SLC2A14: variants seen among roughly 807,000 people sequenced by gnomAD.
The protein encoded by SLC2A14 is solute carrier family 2 member 14.
In SLC2A14, 13 loss-of-function variants were observed where a neutral mutation model predicts 43.0. The ratio of observed to expected loss-of-function variants is 0.30; its 90% CI spans 0.20 to 0.48. SLC2A14 has a LOEUF of 0.48. SLC2A14 is among the 20% of genes least tolerant of loss of function. The pLI is 0.99. For missense variants in SLC2A14, 428 were observed against 620.4 expected (o/e 0.69, Z 3.29); for synonymous variants, 190 against 233.8 (o/e 0.81, Z 1.71).
chr12:7,883,932 T>C (rs111569503), intron 1 of SLC2A14, among the ~76,000 whole-genome samples: 24 of 88,308 alleles, frequency 2.7e-4, no homozygotes, highest in South Asian at 1.3e-3. Flanking sequence ...TTCTTTCTTT[T>C]TTTTTGTTTG....
At chr12:7,845,405 T>A (rs1866379288) in intron 2 of SLC2A14, among the ~76,000 whole-genome samples, 1 of 152,150 alleles carries the variant, frequency 6.6e-6, no homozygotes, top group South Asian at 2.1e-4. Flanking sequence ...TTGCTTGACT[T>A]CGGAAATCAT....
chr12:7,880,563 C>T (rs1462793106), intron 1 of SLC2A14, among the ~76,000 whole-genome samples: 5 of 151,584 alleles, frequency 3.3e-5, no homozygotes, highest in African/African-American at 9.7e-5. Flanking sequence ...GTGTGGTGGC[C>T]CATGCCTGTA....
intron 1 of SLC2A14, chr12:7,870,902 C>A: frequency 7.2e-7 from 1 of 1,387,152 alleles, no homozygotes; most frequent in Admixed American, 2.0e-5. Context: ...GACCACAGCA[C>A]AAGGGGCCAC....
At chr12:7,829,497 T>C (rs1864810407) in intron 5 of SLC2A14, among the ~76,000 whole-genome samples, 1 of 150,450 alleles carries the variant, frequency 6.6e-6, no homozygotes, top group African/African-American at 2.5e-5. Flanking sequence ...GAGGCAGAGG[T>C]TGGGCCGAGA....
At chr12:7,881,531 C>G (rs1218226245) in intron 1 of SLC2A14, among the ~76,000 whole-genome samples, 1 of 152,156 alleles carries the variant, frequency 6.6e-6, no homozygotes, top group Non-Finnish European at 1.5e-5. Context: ...GGGCAGGGCT[C>G]AGGACCTGCA....
At chr12:7,817,629 C>T (rs757062902) in intron 10 of SLC2A14, among the ~76,000 whole-genome samples, 9 of 152,020 alleles carry the variant, frequency 5.9e-5, no homozygotes, top group East Asian at 1.9e-4. Flanking sequence ...TAGCTGGGCA[C>T]GGTGGCGGGT....
At chr12:7,850,212 G>A (rs1866813141) in intron 2 of SLC2A14, among the ~76,000 whole-genome samples, 1 of 151,974 alleles carries the variant, frequency 6.6e-6, no homozygotes, top group African/African-American at 2.4e-5. Context: ...GTCTGGTGGT[G>A]GGCAGTTTGT....
chr12:7,842,654 A>C (rs1866067267), intron 2 of SLC2A14, among the ~76,000 whole-genome samples: 2 of 144,194 alleles, frequency 1.4e-5, no homozygotes, highest in Admixed American at 6.9e-5. Context: ...CCCTCCCCCC[A>C]CTCACAGGAA....
chr12:7,835,918 A>C (rs1865412336), intron 2 of SLC2A14, among the ~76,000 whole-genome samples: 1 of 152,232 alleles, frequency 6.6e-6, no homozygotes, highest in South Asian at 2.1e-4. Flanking sequence ...CAGGATTAAG[A>C]AAGAAAACAT....
At chr12:7,859,553 T>C (rs1462528305) in intron 2 of SLC2A14, among the ~76,000 whole-genome samples, 1 of 152,068 alleles carries the variant, frequency 6.6e-6, no homozygotes, top group African/African-American at 2.4e-5. Flanking sequence ...GAAAACAAGA[T>C]GATTGGAAAT....
At position 7,826,861 on chromosome 12, in the gene SLC2A14, T is replaced by TTCCTTCCTTCCTTCC. The variant is rs1555121671; in HGVS notation, c.864+633_864+634insGGAAGGAAGGAAGGA. 1.5e-3 allele frequency among the ~76,000 whole-genome samples: 89 copies of TTCCTTCCTTCCTTCC among 60,322 alleles called. 9 individuals carry two copies. Among genetic ancestry groups the TTCCTTCCTTCCTTCC allele is most frequent in the African/African-American group, 5.8e-3 (73 of 12,640 alleles). 39.6% of individuals were successfully genotyped at this position (60,322 alleles called of 152,430 possible). On this transcript the variant is annotated intron_variant, in intron 7 of 10. Coordinates refer to ENST00000431042, the MANE Select transcript of SLC2A14 (RefSeq NM_001286234.2). The stretch of plus-strand genomic sequence containing the variant: ...TCCTTCCTTCCTTCCTTCCTTTCTT[T>TTCCTTCCTTCCTTCC]TTTCTTTCTTTCTTTCTTTCTTTCT...
chr12:7,825,263 C>CTATCTTGGCTAA (rs1555120633), intron 7 of SLC2A14, among the ~76,000 whole-genome samples: 8 of 134,674 alleles, frequency 5.9e-5, no homozygotes, highest in South Asian at 2.3e-4. Context: ...GAGTTCAAGA[C>CTATCTTGGCTAA]CAGACTGGTC....
chr12:7,877,941 C>T (rs1945491069), upstream of SLC2A14, among the ~76,000 whole-genome samples: 1 of 152,100 alleles, frequency 6.6e-6, no homozygotes. Context: ...AGGGGCTTCA[C>T]TATGTTGGTT....
chr12:7,842,698 C>T (rs1866070644), intron 2 of SLC2A14, among the ~76,000 whole-genome samples: 1 of 151,086 alleles, frequency 6.6e-6, no homozygotes, highest in Non-Finnish European at 1.5e-5. Flanking sequence ...GCTTAGCTGA[C>T]TCACATCTAC....
chr12:7,871,340 A>G, intron 1 of SLC2A14: 1 of 864,070 alleles, frequency 1.2e-6, no homozygotes. Context: ...GTTCACCTGC[A>G]TCCTCATACA....
intron 9 of SLC2A14, among the ~76,000 whole-genome samples, chr12:7,819,147 G>A (rs925780421): frequency 9.4e-5 from 14 of 148,262 alleles, no homozygotes; most frequent in African/African-American, 3.2e-4. Context: ...AACCCAGGAG[G>A]TAGAGGTTGT....
At chr12:7,836,607 A>G (rs1031283083) in intron 2 of SLC2A14, among the ~76,000 whole-genome samples, 1 of 151,658 alleles carries the variant, frequency 6.6e-6, no homozygotes, top group Non-Finnish European at 1.5e-5. Flanking sequence ...AGGAGGGCGG[A>G]TGGATCACTT....
chr12:7,883,590 C>CTTTTTTTTTTTTTTTTTTTTTTTTT (rs1204450230), intron 1 of SLC2A14, among the ~76,000 whole-genome samples: 5 of 95,204 alleles, frequency 5.3e-5, no homozygotes, highest in African/African-American at 9.0e-5. Context: ...TTTTTCTTTT[C>CTTTTTTTTTTTTTTTTTTTTTTTTT]TTTTTTTTTT....
chr12:7,853,052 G>C (rs1210188216), intron 2 of SLC2A14, among the ~76,000 whole-genome samples: 3 of 152,048 alleles, frequency 2.0e-5, no homozygotes, highest in Non-Finnish European at 4.4e-5. Context: ...GCTTCAATTG[G>C]TTATTTGATT....
Sources: gnomAD v4.1 joint callset for allele counts (sites outside exome capture counted in the v4.1 genomes callset) on GRCh38, gnomAD v4.1.1 for gene constraint, MANE v1.5 for transcripts, NCBI Gene and HGNC (gene_info 2026-07-23, HGNC 2026-07-21) for gene names.